Variants in SPTLC3 observed in about 807,000 individuals in gnomAD.
The protein encoded by SPTLC3 is serine palmitoyltransferase long chain base subunit 3.
SPTLC3 carries 36 observed loss-of-function variants against 59.3 expected under a neutral mutation model. The ratio of observed to expected loss-of-function variants is 0.61; its 90% CI spans 0.47 to 0.80. The LOEUF (loss-of-function observed/expected upper bound fraction) is 0.80, where lower values mean the gene tolerates loss of function less well. SPTLC3 is among the 30% of genes least tolerant of loss of function. The probability of loss-of-function intolerance (pLI) is 0.00; values close to 1 mark genes in which losing one functional copy is unlikely to be tolerated. For synonymous variants in SPTLC3, 257 were observed against 240.8 expected (o/e 1.07, Z -0.62); for missense variants, 625 against 685.1 (o/e 0.91, Z 0.98).
chr20:13,063,907 C>T (rs1199694473), intron 2 of SPTLC3, among the ~76,000 whole-genome samples: 1 of 152,090 alleles, frequency 6.6e-6, no homozygotes, highest in Non-Finnish European at 1.5e-5. Flanking sequence ...ACGCCCGCCT[C>T]GGCCTCCCAA....
intron 1 of SPTLC3, among the ~76,000 whole-genome samples, chr20:13,030,298 A>C (rs1183035258): frequency 6.6e-6 from 1 of 152,206 alleles, no homozygotes; most frequent in Non-Finnish European, 1.5e-5. Context: ...CAGAGACTTG[A>C]AATTTCAGAA....
intron 2 of SPTLC3, among the ~76,000 whole-genome samples, chr20:13,066,376 T>C (rs1988211652): frequency 6.6e-6 from 1 of 152,196 alleles, no homozygotes; most frequent in Non-Finnish European, 1.5e-5. Flanking sequence ...TTACTGTGAA[T>C]GCATGAATTT....
At chr20:13,012,870 A>G (rs3859618) in intron 1 of SPTLC3, among the ~76,000 whole-genome samples, 85,583 of 152,004 alleles carry the variant, frequency 0.56, 26,868 homozygotes, top group South Asian at 0.72. Context: ...CTCAGAGCAG[A>G]GAAGACTCAA....
Position 13,091,099 on chromosome 20 carries a change from C to G in SPTLC3, c.624C>G (p.His208Gln). The G allele has an allele frequency of 4.3e-6, 7 of 1,613,886 alleles. No homozygotes were observed. The highest frequency in any genetic ancestry group is 5.9e-6 in the Non-Finnish European group (7 of 1,179,856). The change falls in exon 5 of 12, where the codon CAC becomes CAG. Residue 208 changes from histidine (H) to glutamine (Q), a missense_variant. Transcript: ENST00000399002. ...TRHEMGTLDK[H>Q]KELEDLVAKF... Reference sequence around the variant, plus strand: ...TATGTGCAGGCACCTTGGATAAGCACAAGGAGTTGGAGGACCTTGTGGCTA... The same window carrying G: ...TATGTGCAGGCACCTTGGATAAGCAGAAGGAGTTGGAGGACCTTGTGGCTA...
At chr20:13,093,274 T>C (rs1989293454) in intron 5 of SPTLC3, among the ~76,000 whole-genome samples, 1 of 152,212 alleles carries the variant, frequency 6.6e-6, no homozygotes. Context: ...AGTGAACATG[T>C]AATCTCTTAA....
intron 2 of SPTLC3, among the ~76,000 whole-genome samples, chr20:13,059,175 C>CA (rs1182903231): frequency 6.6e-6 from 1 of 152,096 alleles, no homozygotes; most frequent in African/African-American, 2.4e-5. Context: ...GAGTTAAATT[C>CA]AAAAAACTAC....
intron 2 of SPTLC3, among the ~76,000 whole-genome samples, chr20:13,052,164 T>G (rs6041813): frequency 0.87 from 132,659 of 152,086 alleles, 57,912 homozygotes; most frequent in East Asian, 0.92. Flanking sequence ...CATTTCCAAC[T>G]GAGGTACGGG....
chr20:13,022,660 C>A (rs1366362555), intron 1 of SPTLC3, among the ~76,000 whole-genome samples: 3 of 152,138 alleles, frequency 2.0e-5, no homozygotes, highest in African/African-American at 7.2e-5. Context: ...CATAAACAAG[C>A]CCACCAGGTT....
intron 1 of SPTLC3, among the ~76,000 whole-genome samples, chr20:13,030,323 T>G (rs1024373805): frequency 2.0e-5 from 3 of 152,216 alleles, no homozygotes; most frequent in African/African-American, 7.2e-5. Flanking sequence ...CTAAGTAAGC[T>G]GGACTCATCA....
At chr20:13,085,219 T>A (rs949863969) in intron 4 of SPTLC3, among the ~76,000 whole-genome samples, 3 of 152,184 alleles carry the variant, frequency 2.0e-5, no homozygotes, top group Non-Finnish European at 4.4e-5. Context: ...TCTGGCTTCT[T>A]CCAGACTATC....
At chr20:13,029,278 C>T (rs11698429) in intron 1 of SPTLC3, among the ~76,000 whole-genome samples, 30,251 of 152,026 alleles carry the variant, frequency 0.2, 3,599 homozygotes, top group South Asian at 0.39. Flanking sequence ...TGGTGACCTG[C>T]GAAAATGATT....
chr20:13,125,928 T>C (rs1364791566), intron 8 of SPTLC3, among the ~76,000 whole-genome samples: 3 of 152,250 alleles, frequency 2.0e-5, no homozygotes, highest in Non-Finnish European at 4.4e-5. Flanking sequence ...GTGAGAGAAT[T>C]ACAGCTATTT....
At chr20:13,131,517 C>T (rs1471549850) in intron 9 of SPTLC3, among the ~76,000 whole-genome samples, 1 of 152,248 alleles carries the variant, frequency 6.6e-6, no homozygotes, top group East Asian at 1.9e-4. Flanking sequence ...AACACATCTG[C>T]TTTATTCCCT....
intron 10 of SPTLC3, among the ~76,000 whole-genome samples, chr20:13,159,332 C>G (rs2038843446): frequency 6.6e-6 from 1 of 152,172 alleles, no homozygotes; most frequent in Non-Finnish European, 1.5e-5. Flanking sequence ...CTCTTAAACT[C>G]AGTTGCTGAG....
At chr20:13,039,700 A>T (rs764317790) in intron 1 of SPTLC3, among the ~76,000 whole-genome samples, 9 of 151,850 alleles carry the variant, frequency 5.9e-5, no homozygotes, top group Non-Finnish European at 8.8e-5. Context: ...TTCCTAGTTT[A>T]GTGCTTTATT....
Position 13,164,919 on chromosome 20 carries a change from C to A in SPTLC3, c.*52C>A. On this transcript the variant is annotated 3_prime_UTR_variant, in exon 12 of 12. Transcript: ENST00000399002. ...AGACTTTGCGAGAAAGACCTCCCTCCTTGCCTCACAAGGAATATAAATGGA... is the reference window on the plus strand; with the variant it reads ...AGACTTTGCGAGAAAGACCTCCCTCATTGCCTCACAAGGAATATAAATGGA... 6.9e-7 allele frequency: 1 copy of A among 1,451,434 alleles called. No homozygotes were observed. The highest frequency in any genetic ancestry group is 9.5e-7 in the Non-Finnish European group (1 of 1,054,450). 89.9% of individuals were successfully genotyped at this position (1,451,434 alleles called of 1,614,324 possible).
At position 13,167,449 on chromosome 20, in the gene SPTLC3, T is replaced by G. The variant is rs1056099577; in HGVS notation, c.*2582T>G. Reference sequence around the variant, plus strand: ...GCGCACTCAGCCCTTCTGTTCACATTTACACACATGCACACACACATACAC... The same window carrying G: ...GCGCACTCAGCCCTTCTGTTCACATGTACACACATGCACACACACATACAC... On this transcript the variant is annotated 3_prime_UTR_variant, in exon 12 of 12. Coordinates refer to ENST00000399002, the MANE Select transcript of SPTLC3 (RefSeq NM_018327.4). The G allele has an allele frequency of 4.6e-5, 7 of 152,194 alleles. No homozygotes were observed. Among genetic ancestry groups the G allele is most frequent in the African/African-American group, 1.7e-4 (7 of 41,440 alleles). 9.4% of individuals were successfully genotyped at this position (152,194 alleles called of 1,614,324 possible). A position where few individuals can be genotyped will look rare whatever the true frequency, so the allele number is the denominator to read the frequency against.
chr20:13,090,594 C>T (rs1257594754), intron 4 of SPTLC3, among the ~76,000 whole-genome samples: 2 of 152,072 alleles, frequency 1.3e-5, no homozygotes, highest in Non-Finnish European at 2.9e-5. Flanking sequence ...GTATACAGCT[C>T]AATGGATCTC....
chr20:13,064,720 G>A (rs1245495802), intron 2 of SPTLC3, among the ~76,000 whole-genome samples: 1 of 152,132 alleles, frequency 6.6e-6, no homozygotes, highest in Non-Finnish European at 1.5e-5. Context: ...TTTAGAATTA[G>A]CTTGCGAGGT....
Sources: allele counts gnomAD v4.1 joint callset (sites outside exome capture counted in the v4.1 genomes callset), GRCh38; gene constraint gnomAD v4.1.1; transcripts MANE v1.5; gene names NCBI Gene and HGNC (gene_info 2026-07-23, HGNC 2026-07-21).